The following ARHGAP22 variants were observed in gnomAD, a reference collection of about 807,000 sequenced individuals.
ARHGAP22 encodes Rho GTPase activating protein 22.
In ARHGAP22, 48 loss-of-function variants were observed where a neutral mutation model predicts 59.1. The ratio of observed to expected loss-of-function variants is 0.81; its 90% CI spans 0.64 to 1.03. The LOEUF is 1.03. ARHGAP22 is among the 50% of genes least tolerant of loss of function. The probability of loss-of-function intolerance (pLI) is 0.00; values close to 1 mark genes in which losing one functional copy is unlikely to be tolerated. For missense variants in ARHGAP22, 1,015 were observed against 958.7 expected (o/e 1.06, Z -0.78); for synonymous variants, 445 against 416.4 (o/e 1.07, Z -0.84).
At chr10:48,431,072 CA>C in the ARHGAP22 span, 1 of 680,700 alleles carries the variant, frequency 1.5e-6, no homozygotes, top group East Asian at 2.7e-5. Flanking sequence ...AACTGACTGT[CA>C]TTGTAAGGAC....
chr10:48,639,968 T>C (rs1023131391), intron 1 of ARHGAP22, among the ~76,000 whole-genome samples: 18 of 152,154 alleles, frequency 1.2e-4, no homozygotes, highest in African/African-American at 4.1e-4. Context: ...GATTGAAGAA[T>C]TACAGGGACA....
chr10:48,652,811 CT>C (rs1413370139), upstream of ARHGAP22, among the ~76,000 whole-genome samples: 1 of 152,128 alleles, frequency 6.6e-6, no homozygotes, highest in African/African-American at 2.4e-5. Context: ...CACAGCAGTC[CT>C]GTTAGTGGGG....
rs113791447 is a variant in ARHGAP22, at chr10:48,537,035, A to G, written c.322+18428T>C. On this transcript the variant is annotated intron_variant, in intron 3 of 9. Coordinates refer to ENST00000249601, the MANE Select transcript of ARHGAP22 (RefSeq NM_021226.4). Reference sequence around the variant, plus strand: ...AGGGCTGCAAAAATTCCTGTTATACAGGAATCCCAGGAGGCCGGCTGCTTT... The same window carrying G: ...AGGGCTGCAAAAATTCCTGTTATACGGGAATCCCAGGAGGCCGGCTGCTTT... Among the ~76,000 whole-genome samples, 620 of 152,316 alleles carry G rather than the reference A, an allele frequency of 4.1e-3. 4 individuals are homozygous for G. Among genetic ancestry groups the G allele is most frequent in the African/African-American group, 0.014 (585 of 41,564 alleles).
intron 2 of ARHGAP22, among the ~76,000 whole-genome samples, chr10:48,568,598 CT>C (rs1324110820): frequency 6.6e-6 from 1 of 152,234 alleles, no homozygotes; most frequent in African/African-American, 2.4e-5. Context: ...TGACCGCCCA[CT>C]TTTTAGTATT....
In ARHGAP22 at chr10:48,459,869, CT is replaced by C; in HGVS notation, c.473del (p.Glu158GlyfsTer46). On this transcript the variant is annotated frameshift_variant, in exon 5 of 10. Transcript: ENST00000249601. LOFTEE classifies it high-confidence loss of function. ...ACTTCCGCTCGTGGTGGACTGTTTC[CT>C]CTAGGCGCTGCCCAAAGATCCCTGA... ...LGGGIFGQRL[E>X]ETVHHERKYG... 3 of 1,612,674 alleles carry C rather than the reference CT, an allele frequency of 1.9e-6. No homozygotes were observed. The highest frequency in any genetic ancestry group is 2.5e-6 in the Non-Finnish European group (3 of 1,179,944).
At chr10:48,489,227 G>A (rs1047482591) in intron 3 of ARHGAP22, among the ~76,000 whole-genome samples, 1 of 152,076 alleles carries the variant, frequency 6.6e-6, no homozygotes, top group East Asian at 1.9e-4. Flanking sequence ...CCTGCAAGGT[G>A]CTTAATAGGC....
rs369571815 is a variant in ARHGAP22, at chr10:48,446,495, C to T, written c.1993G>A (p.Asp665Asn). The change falls in exon 10 of 10, where the codon GAT becomes AAT. Residue 665 changes from aspartate (D) to asparagine (N), a missense_variant. Asp to Asn is a conservative substitution (Grantham distance 23, BLOSUM62 1). Coordinates refer to ENST00000249601, the MANE Select transcript of ARHGAP22 (RefSeq NM_021226.4). ...KLRNSERARE[D>N]AERRNQLLQR... is the part of the protein sequence containing the mutation. ...AACAGCTGGTTCCTCCTCTCCGCAT[C>T]CTCCCGCGCCCGTTCAGAGTTCCGC... The T allele has an allele frequency of 1.2e-6, 2 of 1,614,146 alleles. No homozygotes were observed. Among genetic ancestry groups the T allele is most frequent in the Non-Finnish European group, 1.7e-6 (2 of 1,180,058 alleles).
chr10:48,605,109 G>C, upstream of ARHGAP22: 1 of 1,266,694 alleles, frequency 7.9e-7, no homozygotes, highest in Non-Finnish European at 1.0e-6. Context: ...CCTGGCCTGG[G>C]CGCACGCGTG....
chr10:48,593,567 T>C (rs2059892915), intron 1 of ARHGAP22, among the ~76,000 whole-genome samples: 1 of 152,278 alleles, frequency 6.6e-6, no homozygotes, highest in Non-Finnish European at 1.5e-5. Context: ...ACAGCGACAG[T>C]GCATCTGACA....
At chr10:48,434,576 A>C in the ARHGAP22 span, among the ~76,000 whole-genome samples, 3 of 152,230 alleles carry the variant, frequency 2.0e-5, no homozygotes, top group African/African-American at 7.2e-5. Flanking sequence ...CCTGAAGCCC[A>C]TTCATGGATC....
chr10:48,572,331 C>A (rs1372864149), intron 2 of ARHGAP22, among the ~76,000 whole-genome samples: 1 of 152,176 alleles, frequency 6.6e-6, no homozygotes, highest in Non-Finnish European at 1.5e-5. Context: ...CACCGTTAGA[C>A]CTTGACTAAC....
chr10:48,645,045 T>C (rs896336351), intron 1 of ARHGAP22, among the ~76,000 whole-genome samples: 2 of 152,010 alleles, frequency 1.3e-5, no homozygotes, highest in African/African-American at 4.8e-5. Context: ...TGACAAAGAA[T>C]AAAAAATCAG....
At chr10:48,491,281 T>C in intron 3 of ARHGAP22, among the ~76,000 whole-genome samples, 1 of 152,166 alleles carries the variant, frequency 6.6e-6, no homozygotes, top group East Asian at 1.9e-4. Context: ...TGCTTCACGG[T>C]TTTTGGACCT....
At chr10:48,623,689 C>T (rs908236815) in intron 1 of ARHGAP22, among the ~76,000 whole-genome samples, 14 of 152,164 alleles carry the variant, frequency 9.2e-5, no homozygotes, top group African/African-American at 3.4e-4. Context: ...ACCCTGGACC[C>T]CTCACCAAGC....
intron 1 of ARHGAP22, among the ~76,000 whole-genome samples, chr10:48,635,186 C>G (rs899383983): frequency 6.6e-6 from 1 of 152,146 alleles, no homozygotes; most frequent in African/African-American, 2.4e-5. Context: ...TGAAGCACTT[C>G]ACCTTGTTTC....
At chr10:48,592,170 A>G (rs756483595) in intron 1 of ARHGAP22, among the ~76,000 whole-genome samples, 1 of 152,092 alleles carries the variant, frequency 6.6e-6, no homozygotes, top group Non-Finnish European at 1.5e-5. Context: ...CTTGTCTCCA[A>G]TTCCTGCCTT....
intron 2 of ARHGAP22, among the ~76,000 whole-genome samples, chr10:48,561,402 T>C (rs2057678940): frequency 6.6e-6 from 1 of 152,156 alleles, no homozygotes; most frequent in African/African-American, 2.4e-5. Flanking sequence ...CTATAAAACT[T>C]CTAGTAGAAA....
chr10:48,594,701 G>A (rs1251218934), intron 1 of ARHGAP22, among the ~76,000 whole-genome samples: 1 of 152,128 alleles, frequency 6.6e-6, no homozygotes, highest in Non-Finnish European at 1.5e-5. Context: ...GGAGTGCCTA[G>A]GAGTTTATAT....
Position 48,450,674 on chromosome 10 carries a change from G to C in ARHGAP22, c.1455C>G (p.Ser485=), listed in dbSNP as rs577930019. 1.3e-6 allele frequency: 2 copies of C among 1,550,670 alleles called. No homozygotes were observed. Among genetic ancestry groups the C allele is most frequent in the East Asian group, 2.4e-5 (1 of 40,974 alleles). ...SSGDRLKDSG[S]VQRLSTYDNV... is the part of the protein sequence containing the mutation. ...TGTCGTAGGTGGAGAGTCTCTGCAC[G>C]GAGCCCGAGTCCTTGAGCCGGTCTC... Residue 485 remains serine, a synonymous_variant, in exon 9 of 10, where the codon TCC becomes TCG. Coordinates refer to ENST00000249601, the MANE Select transcript of ARHGAP22 (RefSeq NM_021226.4).
Sources: allele counts gnomAD v4.1 joint callset (sites outside exome capture counted in the v4.1 genomes callset), GRCh38; gene constraint gnomAD v4.1.1; transcripts MANE v1.5; gene names NCBI Gene and HGNC (gene_info 2026-07-23, HGNC 2026-07-21).